Variants in CSMD1 observed in about 807,000 individuals in gnomAD.
CSMD1 encodes the protein CUB and Sushi multiple domains 1.
Under a neutral mutation model 417.5 loss-of-function variants are expected in CSMD1, and 213 were observed. The ratio of observed to expected loss-of-function variants is 0.51; its 90% CI spans 0.46 to 0.57. The LOEUF is 0.57. CSMD1 is among the 20% of genes least tolerant of loss of function. CSMD1 has a pLI of 0.00. For missense variants in CSMD1, 6,923 were observed against 4,529.7 expected (o/e 1.53, Z -15.17); for synonymous variants, 2,862 against 1,736.8 (o/e 1.65, Z -16.11).
chr8:3,731,917 G>A (rs1051389984), intron 6 of CSMD1, among the ~76,000 whole-genome samples: 2 of 152,148 alleles, frequency 1.3e-5, no homozygotes, highest in African/African-American at 2.4e-5. Context: ...TAGTGGTTTT[G>A]GACCTGAGGT....
intron 26 of CSMD1, among the ~76,000 whole-genome samples, chr8:3,271,041 T>C (rs1347965058): frequency 6.6e-6 from 1 of 151,900 alleles, no homozygotes; most frequent in Non-Finnish European, 1.5e-5. Context: ...ACTTGTCATC[T>C]AGCAATAGGT....
chr8:4,215,783 A>T (rs1175389218), intron 3 of CSMD1, among the ~76,000 whole-genome samples: 3 of 152,154 alleles, frequency 2.0e-5, no homozygotes, highest in Non-Finnish European at 4.4e-5. Flanking sequence ...TTCTTGGTGG[A>T]ATATCTATTC....
At chr8:3,948,921 A>G (rs1811421681) in intron 5 of CSMD1, among the ~76,000 whole-genome samples, 1 of 152,222 alleles carries the variant, frequency 6.6e-6, no homozygotes, top group African/African-American at 2.4e-5. Context: ...GACTGGTACA[A>G]AAAGCATTAG....
chr8:3,903,879 TA>T (rs202059734), intron 5 of CSMD1, among the ~76,000 whole-genome samples: 4,831 of 150,534 alleles, frequency 0.032, 264 homozygotes, highest in African/African-American at 0.11. Context: ...CATATATATA[TA>T]TTTTTTTACC....
At chr8:3,758,912 G>A (rs74757146) in intron 5 of CSMD1, among the ~76,000 whole-genome samples, 13 of 152,188 alleles carry the variant, frequency 8.5e-5, no homozygotes, top group South Asian at 2.1e-4. Flanking sequence ...AGGAGGACAA[G>A]GTTCCAGGTA....
chr8:4,346,803 A>G (rs1238614211), intron 3 of CSMD1, among the ~76,000 whole-genome samples: 1 of 152,202 alleles, frequency 6.6e-6, no homozygotes, highest in African/African-American at 2.4e-5. Context: ...TCTGGATACA[A>G]TGTCCCGCTG....
intron 5 of CSMD1, among the ~76,000 whole-genome samples, chr8:3,814,288 G>C (rs565643948): frequency 1.1e-3 from 175 of 152,236 alleles, no homozygotes; most frequent in Admixed American, 0.011. Context: ...TCTGAATCTT[G>C]AGTCATTTGT....
intron 3 of CSMD1, among the ~76,000 whole-genome samples, chr8:4,046,157 A>G (rs1450575081): frequency 2.0e-5 from 3 of 152,134 alleles, no homozygotes; most frequent in African/African-American, 4.8e-5. Flanking sequence ...TCATAAATTT[A>G]TATACACACA....
chr8:4,138,820 C>A (rs1351744030), intron 3 of CSMD1, among the ~76,000 whole-genome samples: 1 of 151,910 alleles, frequency 6.6e-6, no homozygotes, highest in African/African-American at 2.4e-5. Context: ...TTTTTTGCCC[C>A]TGAGGCAAAT....
At chr8:3,288,968 C>T (rs1301973400) in intron 25 of CSMD1, among the ~76,000 whole-genome samples, 4 of 145,702 alleles carry the variant, frequency 2.7e-5, no homozygotes, top group Non-Finnish European at 5.9e-5. Context: ...TAATGCTATC[C>T]CTCCCCACTC....
At chr8:3,687,525 C>T (rs143123216) in intron 7 of CSMD1, among the ~76,000 whole-genome samples, 3 of 152,214 alleles carry the variant, frequency 2.0e-5, no homozygotes, top group Non-Finnish European at 4.4e-5. Flanking sequence ...ATTTTCTCTA[C>T]TTTTCTTCCA....
chr8:4,727,317 T>C (rs1015371329), intron 1 of CSMD1, among the ~76,000 whole-genome samples: 2 of 152,140 alleles, frequency 1.3e-5, no homozygotes, highest in African/African-American at 4.8e-5. Context: ...AATTAAGTGT[T>C]TGAGAAACCC....
intron 26 of CSMD1, among the ~76,000 whole-genome samples, chr8:3,277,302 C>A (rs375794308): frequency 6.6e-6 from 1 of 152,064 alleles, no homozygotes; most frequent in Non-Finnish European, 1.5e-5. Context: ...AGAAGTGAGG[C>A]GTTGCCCACG....
intron 1 of CSMD1, among the ~76,000 whole-genome samples, chr8:4,914,583 G>GAA (rs59293226): frequency 7.5e-6 from 1 of 133,684 alleles, no homozygotes; most frequent in Non-Finnish European, 1.6e-5. Context: ...CTCCCAAAAA[G>GAA]AAAAAAAAAA....
intron 1 of CSMD1, among the ~76,000 whole-genome samples, chr8:4,666,873 C>G (rs2130935396): frequency 6.6e-6 from 1 of 152,098 alleles, no homozygotes; most frequent in East Asian, 1.9e-4. Context: ...ATTTATCAAA[C>G]TCCTATTTTA....
intron 50 of CSMD1, among the ~76,000 whole-genome samples, chr8:3,051,606 T>C (rs1490633216): frequency 6.6e-6 from 1 of 152,212 alleles, no homozygotes; most frequent in Admixed American, 6.5e-5. Context: ...TAAAGTTTTT[T>C]TTTAAAGGAG....
At position 2,937,896 on chromosome 8, in the gene CSMD1, T is replaced by G. The variant is rs1048769866; in HGVS notation, c.*689A>C. 2 of 152,652 alleles carry G rather than the reference T, an allele frequency of 1.3e-5. No homozygotes were observed. Among genetic ancestry groups the G allele is most frequent in the Non-Finnish European group, 2.9e-5 (2 of 68,034 alleles). 9.5% of individuals were successfully genotyped at this position (152,652 alleles called of 1,614,324 possible). On this transcript the variant is annotated 3_prime_UTR_variant, in exon 70 of 70. Coordinates refer to ENST00000635120, the MANE Select transcript of CSMD1 (RefSeq NM_033225.6). ...AACCCTGTGTAAATAATTTATTTTT[T>G]TTATCAGAATCTTAGTCATTCATAA...
At chr8:4,073,839 T>C (rs569066380) in intron 3 of CSMD1, among the ~76,000 whole-genome samples, 6 of 152,122 alleles carry the variant, frequency 3.9e-5, no homozygotes, top group Admixed American at 6.5e-5. Context: ...TTGTTAATAG[T>C]TGGGTTTAAA....
intron 49 of CSMD1, among the ~76,000 whole-genome samples, chr8:3,063,825 G>A (rs1238489147): frequency 6.6e-6 from 1 of 152,196 alleles, no homozygotes; most frequent in Non-Finnish European, 1.5e-5. Flanking sequence ...GCTGGAGGAG[G>A]AGGAATGGGA....
Sources: allele counts gnomAD v4.1 joint callset (sites outside exome capture counted in the v4.1 genomes callset), GRCh38; gene constraint gnomAD v4.1.1; transcripts MANE v1.5; gene names NCBI Gene and HGNC (gene_info 2026-07-23, HGNC 2026-07-21).